CASK: variants seen among roughly 807,000 people sequenced by gnomAD.
The protein encoded by CASK is calcium/calmodulin dependent serine protein kinase.
A neutral mutation model predicts 82.9 loss-of-function variants in CASK; 4 were observed. That is an observed-to-expected ratio of 0.05 (90% CI 0.02 to 0.11). CASK has a LOEUF of 0.11. Among genes scored for constraint, CASK ranks in the 10% least tolerant of loss-of-function variants. The pLI, the probability that CASK is intolerant of heterozygous loss-of-function variation, is 1.00. For missense variants in CASK, 358 were observed against 720.9 expected (o/e 0.50, Z 5.76); for synonymous variants, 259 against 253.5 (o/e 1.02, Z -0.20).
At position 41,733,390 on chromosome X, in the gene CASK, C is replaced by T. The variant is rs1037372347; in HGVS notation, c.429+5994G>A. Among the ~76,000 whole-genome samples, 7 of 110,929 alleles carry T rather than the reference C, an allele frequency of 6.3e-5. 1 individual carries two copies. The highest frequency in any genetic ancestry group is 9.3e-3 in the Middle Eastern group (2 of 215). On this transcript the variant is annotated intron_variant, in intron 5 of 26. Transcript: ENST00000378163. ...ATTAAAATGCCACATTAAAACTGAA[C>T]GTGCACATTATGTTAAAAAATCTTA...
At chrX:41,791,552 G>A (rs1602630219) in intron 2 of CASK, among the ~76,000 whole-genome samples, 2 of 109,161 alleles carry the variant, frequency 1.8e-5, no homozygotes, top group Non-Finnish European at 3.8e-5. Context: ...GTGAAACCCC[G>A]TCTCTACTAA....
chrX:41,895,753 G>A (rs1406439364), intron 1 of CASK, among the ~76,000 whole-genome samples: 2 of 111,676 alleles, frequency 1.8e-5, no homozygotes, highest in African/African-American at 6.5e-5. Context: ...CCTGCAGTGG[G>A]GGAATCTAAA....
At chrX:41,586,648 C>T (rs1213257047) in intron 14 of CASK, 4 of 290,862 alleles carry the variant, frequency 1.4e-5, no homozygotes, top group Non-Finnish European at 2.4e-5. Context: ...AAAGGACTAC[C>T]CCATAAGAAA....
chrX:41,589,441 G>A, intron 13 of CASK, 74 bp downstream of exon 13: 5 of 709,175 alleles, frequency 7.1e-6, no homozygotes, highest in Non-Finnish European at 1.1e-5. Context: ...GCCTCTTAAT[G>A]TGCAACAGAA....
At chrX:41,606,532 C>T (rs887660227) in intron 12 of CASK, among the ~76,000 whole-genome samples, 12 of 111,226 alleles carry the variant, frequency 1.1e-4, no homozygotes, top group East Asian at 8.5e-4. Context: ...GGATTACAGG[C>T]GTGAGTCACC....
intron 5 of CASK, among the ~76,000 whole-genome samples, chrX:41,680,910 G>A (rs1432726457): frequency 2.0e-4 from 22 of 109,719 alleles, no homozygotes; most frequent in African/African-American, 5.3e-4. Flanking sequence ...AGCGAAACTC[G>A]GTCTCAAAAA....
At chrX:41,823,363 A>C (rs80061498) in intron 2 of CASK, among the ~76,000 whole-genome samples, 8 of 88,475 alleles carry the variant, frequency 9.0e-5, no homozygotes, top group African/African-American at 5.0e-4. Flanking sequence ...GCAAAAAAGG[A>C]AAAAAAAAAA....
At chrX:41,830,068 C>T (rs1228626516) in intron 2 of CASK, among the ~76,000 whole-genome samples, 3 of 107,614 alleles carry the variant, frequency 2.8e-5, no homozygotes, top group Admixed American at 1.0e-4. Flanking sequence ...GGTGCAATCA[C>T]GGCTCACTGC....
intron 1 of CASK, among the ~76,000 whole-genome samples, chrX:41,878,832 G>A (rs2071886595): frequency 9.0e-6 from 1 of 110,976 alleles, no homozygotes; most frequent in South Asian, 3.8e-4. Flanking sequence ...CTGCAAAAGA[G>A]CCAAATGTTT....
chrX:41,692,964 T>A (rs1432701443), intron 5 of CASK, among the ~76,000 whole-genome samples: 1 of 112,152 alleles, frequency 8.9e-6, no homozygotes, highest in Non-Finnish European at 1.9e-5. Flanking sequence ...TCTACTAAAT[T>A]CCCTCTTTGA....
chrX:41,699,620 T>C (rs1176364825), intron 5 of CASK, among the ~76,000 whole-genome samples: 1 of 111,163 alleles, frequency 9.0e-6, no homozygotes, highest in Non-Finnish European at 1.9e-5. Flanking sequence ...CTCATAGTTC[T>C]AGAAGCTGTC....
At chrX:41,637,784 C>T (rs1257808752) in intron 8 of CASK, among the ~76,000 whole-genome samples, 2 of 110,084 alleles carry the variant, frequency 1.8e-5, no homozygotes, top group Non-Finnish European at 3.8e-5. Flanking sequence ...GCTGGGACTA[C>T]AGGCAAGTGC....
chrX:41,839,697 T>C (rs1454057164), intron 2 of CASK, among the ~76,000 whole-genome samples: 1 of 111,502 alleles, frequency 9.0e-6, no homozygotes, highest in African/African-American at 3.3e-5. Flanking sequence ...ATGGTGAAAG[T>C]GATCAACTTT....
intron 5 of CASK, among the ~76,000 whole-genome samples, chrX:41,691,771 G>A (rs2067566414): frequency 9.7e-6 from 1 of 103,209 alleles, no homozygotes; most frequent in African/African-American, 3.6e-5. Flanking sequence ...AACTCGGGAG[G>A]CGGAGGTTGC....
intron 16 of CASK, among the ~76,000 whole-genome samples, chrX:41,565,360 G>C (rs1273963578): frequency 8.9e-6 from 1 of 111,761 alleles, no homozygotes; most frequent in East Asian, 2.8e-4. Flanking sequence ...AAGAAGAAAA[G>C]AGAGAAGAAT....
At chrX:41,592,385 C>G (rs959242874) in intron 12 of CASK, among the ~76,000 whole-genome samples, 3 of 111,297 alleles carry the variant, frequency 2.7e-5, no homozygotes, top group Non-Finnish European at 5.6e-5. Context: ...ACATTTTCAA[C>G]TATGATTATG....
chrX:41,555,528 G>A, intron 20 of CASK, 72 bp downstream of exon 20: 1 of 798,603 alleles, frequency 1.3e-6, no homozygotes, highest in Non-Finnish European at 1.9e-6. Flanking sequence ...ATTATGGGAT[G>A]GAAAGGGTTA....
chrX:41,614,310 C>G (rs1468241946), intron 11 of CASK, among the ~76,000 whole-genome samples: 2 of 111,389 alleles, frequency 1.8e-5, no homozygotes, highest in Non-Finnish European at 3.8e-5. Flanking sequence ...GGGCATACTG[C>G]CTATGGGGTA....
chrX:41,562,698 T>C lies in CASK; in HGVS notation c.1583-1054A>G, dbSNP rs374119917. ...AGAACTGAGTTATAAAAATGCGTCA[T>C]GTCAAAACTGGTGGGATACATTAAG... is the stretch of plus-strand genomic sequence containing the variant. On this transcript the variant is annotated intron_variant, in intron 16 of 26. Coordinates refer to ENST00000378163, the MANE Select transcript of CASK (RefSeq NM_001367721.1). 8.1e-5 allele frequency: 9 copies of C among 111,305 alleles called. No homozygotes were observed. The East Asian group carries it at 2.0e-3, about 24-fold the overall frequency. 9.2% of individuals were successfully genotyped at this position (111,305 alleles called of 1,213,427 possible).
Sources: gnomAD v4.1 joint callset for allele counts (sites outside exome capture counted in the v4.1 genomes callset) on GRCh38, gnomAD v4.1.1 for gene constraint, MANE v1.5 for transcripts, NCBI Gene and HGNC (gene_info 2026-07-23, HGNC 2026-07-21) for gene names.